The following ACMSD variants were observed in gnomAD, a reference collection of about 807,000 sequenced individuals.
ACMSD encodes aminocarboxymuconate semialdehyde decarboxylase.
In ACMSD, 37 loss-of-function variants were observed where a neutral mutation model predicts 45.9. The ratio of observed to expected loss-of-function variants is 0.81; its 90% confidence interval spans 0.62 to 1.06. ACMSD has a LOEUF of 1.06. Ranked by LOEUF, ACMSD falls within the 50% of genes least tolerant of loss-of-function variation. The pLI is 0.00. For missense variants in ACMSD, 434 were observed against 420.9 expected (o/e 1.03, Z -0.27); for synonymous variants, 138 against 148.8 (o/e 0.93, Z 0.53).
intron 2 of ACMSD, among the ~76,000 whole-genome samples, chr2:134,850,025 C>T (rs1687260194): frequency 1.3e-5 from 2 of 151,590 alleles, no homozygotes. Context: ...ACACTTTCAG[C>T]ATTTTTACAC....
At chr2:134,845,998 A>G (rs982368773) in intron 2 of ACMSD, among the ~76,000 whole-genome samples, 8 of 152,188 alleles carry the variant, frequency 5.3e-5, no homozygotes, top group African/African-American at 1.9e-4. Flanking sequence ...AGTTAACCCA[A>G]TGCAGCATGG....
At chr2:134,868,014 G>A (rs1200958825) in intron 6 of ACMSD, among the ~76,000 whole-genome samples, 1 of 152,104 alleles carries the variant, frequency 6.6e-6, no homozygotes, top group Non-Finnish European at 1.5e-5. Context: ...AATTTACACA[G>A]ATATATCTGA....
At chr2:134,856,845 C>T (rs1687603295) in intron 2 of ACMSD, among the ~76,000 whole-genome samples, 1 of 151,922 alleles carries the variant, frequency 6.6e-6, no homozygotes, top group African/African-American at 2.4e-5. Context: ...CAGCTTTGTT[C>T]TGTTTGCTCC....
Position 134,872,455 on chromosome 2 carries a change from G to C in ACMSD, c.677-14G>C. ...AATCAACACTAGCCCCTCAGTAATG[G>C]GTTTTACTTGCAGGTGGTGCCTTCC... On this transcript the variant is annotated splice_polypyrimidine_tract_variant and intron_variant, in intron 7 of 9. Coordinates refer to ENST00000356140, the MANE Select transcript of ACMSD (RefSeq NM_138326.3). 2 of 1,614,032 alleles carry C rather than the reference G, an allele frequency of 1.2e-6. No homozygotes were observed. Among genetic ancestry groups the C allele is most frequent in the South Asian group, 2.2e-5 (2 of 91,066 alleles).
chr2:134,874,489 G>C (rs925337171), intron 8 of ACMSD, among the ~76,000 whole-genome samples: 1 of 152,140 alleles, frequency 6.6e-6, no homozygotes, highest in African/African-American at 2.4e-5. Flanking sequence ...CTAGACATCT[G>C]GGCTAGAGAG....
chr2:134,898,351 T>C lies in ACMSD; in HGVS notation c.860T>C (p.Ile287Thr). 1 of 1,585,926 alleles carries C rather than the reference T, an allele frequency of 6.3e-7. No homozygotes were observed. The highest frequency in any genetic ancestry group is 8.6e-7 in the Non-Finnish European group (1 of 1,168,804). The change falls in exon 9 of 10, where the codon ATT (isoleucine) becomes ACT (threonine). Residue 287 changes from isoleucine (I) to threonine (T), a missense_variant. Coordinates refer to ENST00000356140, the MANE Select transcript of ACMSD (RefSeq NM_138326.3). The stretch of plus-strand genomic sequence containing the variant: ...TATTTTGTTTTTTAGGATAAAGTCA[T>C]TTTGGGAACCGATTACCCCTTTCCA... ...LTDVIGKDKV[I>T]LGTDYPFPLG... is the part of the protein sequence containing the mutation.
At chr2:134,856,219 C>A (rs917794198) in intron 2 of ACMSD, among the ~76,000 whole-genome samples, 4 of 152,146 alleles carry the variant, frequency 2.6e-5, no homozygotes, top group Non-Finnish European at 4.4e-5. Context: ...TAAAGATAAA[C>A]AAACTGAAGC....
intron 8 of ACMSD, among the ~76,000 whole-genome samples, chr2:134,885,370 T>TTATATATAATATATATTTACATATATA (rs1559065178): frequency 8.3e-4 from 86 of 103,660 alleles, no homozygotes; most frequent in African/African-American, 3.4e-3. Context: ...ACATATATAT[T>TTATATATAATATATATTTACATATATA]ATATATAATA....
chr2:134,874,160 A>C (rs1688613474), intron 8 of ACMSD, among the ~76,000 whole-genome samples: 1 of 152,218 alleles, frequency 6.6e-6, no homozygotes, highest in South Asian at 2.1e-4. Flanking sequence ...TGGATGGACT[A>C]GTTGGTGAGC....
At chr2:134,852,540 A>C (rs1030079845) in intron 2 of ACMSD, among the ~76,000 whole-genome samples, 3 of 152,208 alleles carry the variant, frequency 2.0e-5, no homozygotes, top group Non-Finnish European at 2.9e-5. Context: ...TCCAGGCAAT[A>C]AGCAAAGTAA....
intron 3 of ACMSD, 53 bp from the exon 4 acceptor site, chr2:134,861,916 G>A: frequency 6.2e-7 from 1 of 1,603,910 alleles, no homozygotes; most frequent in Middle Eastern, 1.7e-4. Context: ...AAAGGAAGGA[G>A]TGCCCAGCCT....
chr2:134,898,332 G>GT lies in ACMSD; in HGVS notation c.850-3dup, dbSNP rs1338555071. 6 of 1,558,996 alleles carry GT rather than the reference G, an allele frequency of 3.8e-6. No homozygotes were observed. Among genetic ancestry groups the GT allele is most frequent in the Non-Finnish European group, 5.2e-6 (6 of 1,154,368 alleles). ...AAAACAACAGAGAAATATATATTTT[G>GT]TTTTTTAGGATAAAGTCATTTTGGG... On this transcript the variant is annotated splice_polypyrimidine_tract_variant and intron_variant, in intron 8 of 9. Coordinates refer to ENST00000356140, the MANE Select transcript of ACMSD (RefSeq NM_138326.3).
intron 2 of ACMSD, among the ~76,000 whole-genome samples, chr2:134,854,878 C>T (rs4954191): frequency 6.6e-6 from 1 of 151,764 alleles, no homozygotes; most frequent in Non-Finnish European, 1.5e-5. Flanking sequence ...AGTGCTGCTA[C>T]TAAGTAATTT....
At chr2:134,898,314 CAG>C (rs1690289874) in intron 8 of ACMSD, 25 bp from the exon 9 acceptor site, 1 of 1,456,510 alleles carries the variant, frequency 6.9e-7, no homozygotes, top group African/African-American at 1.4e-5. Flanking sequence ...TACAAAACAA[CAG>C]AGAAATATAT....
At chr2:134,842,767 C>A (rs1265080582) in intron 1 of ACMSD, among the ~76,000 whole-genome samples, 2 of 152,184 alleles carry the variant, frequency 1.3e-5, no homozygotes, top group African/African-American at 4.8e-5. Flanking sequence ...CTCTTAGCCT[C>A]ATTTCATTAA....
chr2:134,869,366 C>A (rs1055933944), intron 6 of ACMSD, among the ~76,000 whole-genome samples: 1 of 152,088 alleles, frequency 6.6e-6, no homozygotes, highest in Non-Finnish European at 1.5e-5. Flanking sequence ...GTGCACGCCA[C>A]CACGCACAGC....
At chr2:134,896,082 TAA>T (rs769755987) in intron 8 of ACMSD, among the ~76,000 whole-genome samples, 9 of 152,182 alleles carry the variant, frequency 5.9e-5, no homozygotes, top group Non-Finnish European at 8.8e-5. Flanking sequence ...GATAGTGAGA[TAA>T]GAGTAGATAT....
intron 1 of ACMSD, among the ~76,000 whole-genome samples, chr2:134,843,313 C>T (rs1404860936): frequency 6.6e-6 from 1 of 152,154 alleles, no homozygotes; most frequent in Non-Finnish European, 1.5e-5. Context: ...ACCGGTTCTG[C>T]TGATGTCACT....
At chr2:134,880,790 A>G (rs78910819) in intron 8 of ACMSD, among the ~76,000 whole-genome samples, 3,885 of 152,120 alleles carry the variant, frequency 0.026, 165 homozygotes, top group African/African-American at 0.087. Flanking sequence ...AGCATGTACA[A>G]TGTTTTAGTG....
Sources: allele counts gnomAD v4.1 joint callset (sites outside exome capture counted in the v4.1 genomes callset), GRCh38; gene constraint gnomAD v4.1.1; transcripts MANE v1.5; gene names NCBI Gene and HGNC (gene_info 2026-07-23, HGNC 2026-07-21).